Variants in TBC1D22B observed in about 807,000 individuals in gnomAD.
The protein encoded by TBC1D22B is TBC1 domain family member 22B, also known as chromosome 6 open reading frame 197.
Under a neutral mutation model 69.1 loss-of-function variants are expected in TBC1D22B, and 32 were observed. The observed-to-expected ratio is 0.46, with a 90% CI of 0.35 to 0.62. The LOEUF is 0.62. Ranked by LOEUF, TBC1D22B falls within the 20% of genes least tolerant of loss-of-function variation. The pLI, the probability that TBC1D22B is intolerant of heterozygous loss-of-function variation, is 0.00. For missense variants in TBC1D22B, 462 were observed against 630.9 expected, an observed-to-expected ratio of 0.73 and a Z score of 2.87; for synonymous variants, 206 against 229.8, an observed-to-expected ratio of 0.90 and a Z score of 0.94.
intron 1 of TBC1D22B, among the ~76,000 whole-genome samples, chr6:37,258,752 A>G (rs944629908): frequency 3.3e-5 from 5 of 152,108 alleles, no homozygotes; most frequent in South Asian, 4.1e-4. Flanking sequence ...CCATCCATCA[A>G]TCTACTGTTG....
rs752603606 is a variant in TBC1D22B, at chr6:37,279,408, G to A, written c.218G>A (p.Gly73Asp). 9.9e-6 allele frequency: 16 copies of A among 1,614,146 alleles called. No homozygotes were observed. In the South Asian group the frequency reaches 1.5e-4, roughly 16 times the overall value. The change falls in exon 3 of 13, where the codon GGC (glycine) becomes GAC (aspartate). Residue 73 changes from glycine to aspartate, a missense_variant. Gly to Asp is a moderately conservative substitution (Grantham distance 94). Around this residue, in one of 2 missense-constraint regions of TBC1D22B, gnomAD observed 237 missense variants for 255.4 expected, o/e 0.93. Transcript: ENST00000373491. ...AATACCAGTGATGCTTGGGACATTGGCGATGATGAGGAAGAGGACTTTTCC... is the reference window on the plus strand; with the variant it reads ...AATACCAGTGATGCTTGGGACATTGACGATGATGAGGAAGAGGACTTTTCC... Reference protein sequence around the residue: ...ARNTSDAWDIGDDEEEDFSSP... With the variant: ...ARNTSDAWDIDDDEEEDFSSP...
chr6:37,274,736 T>G (rs1237023574), intron 2 of TBC1D22B, among the ~76,000 whole-genome samples: 1 of 152,206 alleles, frequency 6.6e-6, no homozygotes, highest in Non-Finnish European at 1.5e-5. Flanking sequence ...GGTTGTGACT[T>G]TGATAGAGTT....
At chr6:37,260,540 T>C (rs937253684) in intron 1 of TBC1D22B, among the ~76,000 whole-genome samples, 2 of 152,350 alleles carry the variant, frequency 1.3e-5, no homozygotes, top group African/African-American at 4.8e-5. Context: ...TGGTATTTAG[T>C]ATATTCATTT....
At position 37,310,136 on chromosome 6, in the gene TBC1D22B, G is replaced by T. The variant is rs1376902979; in HGVS notation, c.983-2782G>T. Among the ~76,000 whole-genome samples, 5 of 144,770 alleles carry T rather than the reference G, an allele frequency of 3.5e-5. No homozygotes were observed. In the East Asian group the frequency reaches 9.9e-4, roughly 29 times the overall value. The allele number at this position is 144,770 out of a possible 152,430, so 95.0% of individuals were successfully genotyped here. On this transcript the variant is annotated intron_variant, in intron 8 of 12. Coordinates refer to ENST00000373491, the MANE Select transcript of TBC1D22B (RefSeq NM_017772.4). ...TATATTTTAATATAGCTTTATATAT[G>T]TAAGTATATCTATATAGATATACTT...
At chr6:37,310,616 T>C (rs890274099) in intron 8 of TBC1D22B, among the ~76,000 whole-genome samples, 4 of 152,190 alleles carry the variant, frequency 2.6e-5, no homozygotes, top group African/African-American at 9.7e-5. Flanking sequence ...TGCAGTGAGC[T>C]GAGATCGTGC....
intron 1 of TBC1D22B, among the ~76,000 whole-genome samples, chr6:37,266,352 C>T (rs1766269946): frequency 6.6e-6 from 1 of 152,094 alleles, no homozygotes; most frequent in Admixed American, 6.6e-5. Context: ...ACATAAAATG[C>T]ATGTATCTAT....
chr6:37,281,313 T>C (rs1371688262), intron 3 of TBC1D22B, among the ~76,000 whole-genome samples: 2 of 152,350 alleles, frequency 1.3e-5, no homozygotes, highest in East Asian at 3.9e-4. Flanking sequence ...AAAAGTGACC[T>C]ATATGCCTTA....
At chr6:37,277,867 G>C (rs1338433559) in intron 2 of TBC1D22B, among the ~76,000 whole-genome samples, 1 of 152,010 alleles carries the variant, frequency 6.6e-6, no homozygotes, top group Non-Finnish European at 1.5e-5. Flanking sequence ...GGTGGCTCAT[G>C]CCTGTAATCC....
chr6:37,283,970 G>A (rs1418703875), intron 5 of TBC1D22B, among the ~76,000 whole-genome samples: 1 of 152,200 alleles, frequency 6.6e-6, no homozygotes, highest in Non-Finnish European at 1.5e-5. Flanking sequence ...CAGAAGTATG[G>A]CCCTGGACAC....
At position 37,282,265 on chromosome 6, in the gene TBC1D22B, T is replaced by A. The variant is rs1326107210; in HGVS notation, c.502T>A (p.Ser168Thr). Residue 168 changes from serine (S) to threonine (T), a missense_variant, in exon 4 of 13, where the codon TCG (serine) becomes ACG (threonine). Transcript: ENST00000373491. ...RPIIPLVARI[S>T]DQNASGAPPM... ...CATCATCCCCCTCGTTGCCCGGATCTCGGATCAGAACGCTTCTGGGGCCCC... is the reference window on the plus strand; with the variant it reads ...CATCATCCCCCTCGTTGCCCGGATCACGGATCAGAACGCTTCTGGGGCCCC... 6.2e-7 allele frequency: 1 copy of A among 1,614,044 alleles called. No homozygotes were observed. Among genetic ancestry groups the A allele is most frequent in the Non-Finnish European group, 8.5e-7 (1 of 1,180,034 alleles).
chr6:37,316,813 C>T lies in TBC1D22B; in HGVS notation c.1276C>T (p.Leu426=). The T allele has an allele frequency of 6.2e-7, 1 of 1,614,216 alleles. No individual in the cohort carries two copies. Among genetic ancestry groups the T allele is most frequent in the South Asian group, 1.1e-5 (1 of 91,088 alleles). The part of the protein sequence containing the change: ...RELPLRCTIR[L]WDTYQSEPEG... ...GCTTCCTCTTCGCTGCACCATCCGC[C>T]TGTGGGACACATATCAGGTAGGAGG... Residue 426 remains leucine (L), a synonymous_variant, in exon 11 of 13, where the codon CTG becomes TTG. Transcript: ENST00000373491.
chr6:37,264,177 A>G (rs995409928), intron 1 of TBC1D22B, among the ~76,000 whole-genome samples: 2 of 152,242 alleles, frequency 1.3e-5, no homozygotes, highest in South Asian at 2.1e-4. Context: ...TTTAAAAAAC[A>G]TGCAAAATCA....
chr6:37,317,237 G>T, intron 12 of TBC1D22B, 31 bp downstream of exon 12: 2 of 1,546,976 alleles, frequency 1.3e-6, no homozygotes, highest in Non-Finnish European at 1.8e-6. Flanking sequence ...TGTGGGCAGG[G>T]AATGAACATT....
rs1439847029 is a variant in TBC1D22B, at chr6:37,282,344, C to G, written c.581C>G (p.Ser194Cys). 1 of 1,608,688 alleles carries G rather than the reference C, an allele frequency of 6.2e-7. No individual in the cohort carries two copies. Among genetic ancestry groups the G allele is most frequent in the Admixed American group, 1.7e-5 (1 of 59,564 alleles). ...CTAGAAAAATTCCGTCAACTTCTCT[C>G]CAGCCAGAACACTGACTTAGGTGAG... is the stretch of plus-strand genomic sequence containing the variant. ...TRLEKFRQLLSSQNTDLDELR... is the reference protein window; with the variant it reads ...TRLEKFRQLLCSQNTDLDELR... Residue 194 changes from serine (S) to cysteine (C), a missense_variant, in exon 4 of 13, where the codon TCC becomes TGC. Coordinates refer to ENST00000373491, the MANE Select transcript of TBC1D22B (RefSeq NM_017772.4).
chr6:37,305,882 T>G (rs1767703048), intron 8 of TBC1D22B, among the ~76,000 whole-genome samples: 1 of 152,204 alleles, frequency 6.6e-6, no homozygotes, highest in African/African-American at 2.4e-5. Context: ...TCCACTTTAA[T>G]GTTGTTAGTT....
intron 3 of TBC1D22B, among the ~76,000 whole-genome samples, chr6:37,280,724 C>T (rs1766798467): frequency 6.6e-6 from 1 of 152,240 alleles, no homozygotes; most frequent in Non-Finnish European, 1.5e-5. Flanking sequence ...CTGCCGGCAT[C>T]TGTCTGTAAA....
chr6:37,303,752 T>C (rs551598443), intron 8 of TBC1D22B, among the ~76,000 whole-genome samples: 3 of 152,318 alleles, frequency 2.0e-5, no homozygotes, highest in Non-Finnish European at 4.4e-5. Context: ...CACCTCTTTA[T>C]CTCCTGAGCT....
chr6:37,307,687 T>A (rs1313209641), intron 8 of TBC1D22B, among the ~76,000 whole-genome samples: 3 of 152,204 alleles, frequency 2.0e-5, no homozygotes, highest in East Asian at 3.8e-4. Flanking sequence ...GGTATTCTTA[T>A]GAGTCCGGTT....
rs766330358 is a variant in TBC1D22B, at chr6:37,269,576, T to G, written c.57-18T>G. 1 of 1,613,934 alleles carries G rather than the reference T, an allele frequency of 6.2e-7. No homozygotes were observed. Among genetic ancestry groups the G allele is most frequent in the Non-Finnish European group, 8.5e-7 (1 of 1,179,800 alleles). ...CCTAACTAAACTAACTATTTCTTCC[T>G]TTTGTTTTTGCTTTTAGCATTCAGC... On this transcript the variant is annotated intron_variant, in intron 1 of 12. Transcript: ENST00000373491.
Sources: gnomAD v4.1 joint callset for allele counts (sites outside exome capture counted in the v4.1 genomes callset) on GRCh38, gnomAD v4.1.1 for gene constraint, gnomAD v4.1.1 regional missense constraint, MANE v1.5 for transcripts, NCBI Gene and HGNC (gene_info 2026-07-23, HGNC 2026-07-21) for gene names.